ROBO1: variants seen among roughly 807,000 people sequenced by gnomAD.
ROBO1 encodes the protein roundabout homolog 1.
A neutral mutation model predicts 195.9 loss-of-function variants in ROBO1; 149 were observed. That is an observed-to-expected ratio of 0.76 (90% CI 0.67 to 0.87). ROBO1 has a LOEUF of 0.87. Among genes scored for constraint, ROBO1 ranks in the 40% least tolerant of loss-of-function variants. The pLI, the probability that ROBO1 is intolerant of heterozygous loss-of-function variation, is 0.00. For synonymous variants in ROBO1, 816 were observed against 733.2 expected (o/e 1.11, Z -1.82); for missense variants, 1,933 against 2,068.3 (o/e 0.93, Z 1.27).
At chr3:79,052,286 A>AC (rs896178515) in intron 3 of ROBO1, among the ~76,000 whole-genome samples, 5 of 151,806 alleles carry the variant, frequency 3.3e-5, no homozygotes, top group African/African-American at 1.2e-4. Context: ...CTCCTGCAGC[A>AC]CCCCCAGGCT....
intron 10 of ROBO1, among the ~76,000 whole-genome samples, chr3:78,673,353 G>A (rs537653014): frequency 1.3e-5 from 2 of 150,136 alleles, no homozygotes; most frequent in African/African-American, 2.4e-5. Flanking sequence ...TGGAGGTAGT[G>A]ATGGTATAAG....
At chr3:78,896,213 CAG>C (rs1226061949) in intron 4 of ROBO1, among the ~76,000 whole-genome samples, 1 of 152,146 alleles carries the variant, frequency 6.6e-6, no homozygotes, top group Non-Finnish European at 1.5e-5. Flanking sequence ...AGAATACACT[CAG>C]AGAGAATTAC....
chr3:79,518,971 C>T (rs575137834), intron 2 of ROBO1, among the ~76,000 whole-genome samples: 2 of 152,130 alleles, frequency 1.3e-5, no homozygotes, highest in East Asian at 1.9e-4. Flanking sequence ...TGAGCCATCA[C>T]GCCTGGCCAA....
intron 4 of ROBO1, among the ~76,000 whole-genome samples, chr3:78,817,593 T>G (rs1214161865): frequency 2.0e-5 from 3 of 152,144 alleles, no homozygotes; most frequent in African/African-American, 7.2e-5. Flanking sequence ...AGTCATTTCA[T>G]ATAATTCAAA....
At chr3:79,579,862 C>A (rs185608471) in intron 2 of ROBO1, among the ~76,000 whole-genome samples, 4 of 152,016 alleles carry the variant, frequency 2.6e-5, no homozygotes, top group African/African-American at 7.2e-5. Flanking sequence ...ACCTATGGCT[C>A]CAGTGAGCAA....
At chr3:78,877,197 C>A (rs543241283) in intron 4 of ROBO1, among the ~76,000 whole-genome samples, 14 of 152,038 alleles carry the variant, frequency 9.2e-5, no homozygotes, top group Non-Finnish European at 2.1e-4. Context: ...TTGGGACATA[C>A]ATATAATATC....
chr3:79,522,470 C>T (rs1176885312), intron 2 of ROBO1, among the ~76,000 whole-genome samples: 1 of 152,012 alleles, frequency 6.6e-6, no homozygotes, highest in Admixed American at 6.6e-5. Flanking sequence ...CAGAAGTAAT[C>T]ATCGCCTTGT....
rs1053770227 is a variant in ROBO1, at chr3:79,417,444, A to C, written c.88+172380T>G. 3.9e-5 allele frequency among the ~76,000 whole-genome samples: 6 copies of C among 152,262 alleles called. No individual in the cohort carries two copies. In the East Asian group the frequency reaches 1.2e-3, roughly 29 times the overall value. ...ACCATAACTTTAATGAAAGACCCTG[A>C]GCCAGAACCTCTCAGCTAAGCTACT... is the stretch of plus-strand genomic sequence containing the variant. On this transcript the variant is annotated intron_variant, in intron 2 of 30. Coordinates refer to ENST00000464233, the MANE Select transcript of ROBO1 (RefSeq NM_002941.4).
At chr3:79,057,275 C>T (rs1320795183) in intron 3 of ROBO1, among the ~76,000 whole-genome samples, 1 of 152,016 alleles carries the variant, frequency 6.6e-6, no homozygotes, top group Admixed American at 6.6e-5. Context: ...TACAGGATTT[C>T]CCCAAACCTT....
At chr3:78,626,318 C>T (rs984741504) in intron 26 of ROBO1, among the ~76,000 whole-genome samples, 2 of 152,124 alleles carry the variant, frequency 1.3e-5, no homozygotes, top group Non-Finnish European at 2.9e-5. Flanking sequence ...GTCTGACAAT[C>T]CAACTTCCTC....
rs193091705 is a variant in ROBO1, at chr3:79,345,718, C to A, written c.89-220179G>T. ...TTGAGTGACTGAATGCCTACAGAGG[C>A]AAAGTTGTAATCTCTGGTACTCTCT... On this transcript the variant is annotated intron_variant, in intron 2 of 30. Transcript: ENST00000464233. Among the ~76,000 whole-genome samples the A allele has an allele frequency of 6.8e-3, 1,041 of 152,218 alleles. 16 individuals are homozygous for A. The highest frequency in any genetic ancestry group is 0.024 in the African/African-American group (991 of 41,528).
At chr3:78,913,959 T>C (rs1432396408) in intron 4 of ROBO1, among the ~76,000 whole-genome samples, 2 of 152,182 alleles carry the variant, frequency 1.3e-5, no homozygotes, top group African/African-American at 4.8e-5. Flanking sequence ...GTGAGAACAA[T>C]TCATTCATTG....
chr3:79,733,952 C>T (rs1576297637), intron 1 of ROBO1, among the ~76,000 whole-genome samples: 1 of 138,798 alleles, frequency 7.2e-6, no homozygotes. Flanking sequence ...ATCCTCCCAT[C>T]TTTTTTTTTT....
chr3:79,256,315 A>T (rs145696629), intron 2 of ROBO1, among the ~76,000 whole-genome samples: 8 of 152,290 alleles, frequency 5.3e-5, no homozygotes, highest in Admixed American at 3.9e-4. Context: ...ACATGTGTTC[A>T]TTACCAACTT....
intron 3 of ROBO1, among the ~76,000 whole-genome samples, chr3:79,123,277 C>G (rs2080154430): frequency 6.6e-6 from 1 of 151,928 alleles, no homozygotes; most frequent in Non-Finnish European, 1.5e-5. Context: ...AAGGTTCTAT[C>G]TACTCAATTA....
At chr3:79,410,768 C>T (rs1416095126) in intron 2 of ROBO1, among the ~76,000 whole-genome samples, 1 of 152,032 alleles carries the variant, frequency 6.6e-6, no homozygotes, top group Non-Finnish European at 1.5e-5. Context: ...CTGGGAAATT[C>T]GGTTGGCAGC....
chr3:79,722,347 A>G (rs1490105223), intron 1 of ROBO1, among the ~76,000 whole-genome samples: 1 of 152,192 alleles, frequency 6.6e-6, no homozygotes, highest in Non-Finnish European at 1.5e-5. Flanking sequence ...TCCAGCTATC[A>G]TTTTATTGTG....
chr3:79,519,628 CAAAAAA>C (rs71631657), intron 2 of ROBO1, among the ~76,000 whole-genome samples: 15 of 64,716 alleles, frequency 2.3e-4, no homozygotes, highest in Admixed American at 4.6e-4. Context: ...GACTCCTGCT[CAAAAAA>C]AAAAAAAAAA....
At chr3:79,135,169 T>A (rs1191737435) in intron 2 of ROBO1, among the ~76,000 whole-genome samples, 1 of 152,132 alleles carries the variant, frequency 6.6e-6, no homozygotes, top group African/African-American at 2.4e-5. Context: ...AAATTTTATG[T>A]CCTTTGGCCA....
Sources: gnomAD v4.1 joint callset for allele counts (sites outside exome capture counted in the v4.1 genomes callset) on GRCh38, gnomAD v4.1.1 for gene constraint, MANE v1.5 for transcripts, NCBI Gene and HGNC (gene_info 2026-07-23, HGNC 2026-07-21) for gene names.